Variants in ERC1 observed in about 807,000 individuals in gnomAD.
ERC1 encodes RAB6 interacting protein 2.
Under a neutral mutation model 132.0 loss-of-function variants are expected in ERC1, and 56 were observed. The observed-to-expected ratio is 0.42, with a 90% confidence interval of 0.34 to 0.53. ERC1 has a LOEUF of 0.53. Ranked by LOEUF, ERC1 falls within the 20% of genes least tolerant of loss-of-function variation. The probability of loss-of-function intolerance (pLI) is 0.03; values close to 1 mark genes in which losing one functional copy is unlikely to be tolerated. For missense variants in ERC1, 1,202 were observed against 1,349.9 expected, an observed-to-expected ratio of 0.89 and a Z score of 1.72; for synonymous variants, 478 against 476.1, an observed-to-expected ratio of 1.00 and a Z score of -0.05.
intron 18 of ERC1, among the ~76,000 whole-genome samples, chr12:1,475,055 C>T (rs2093943441): frequency 6.6e-6 from 1 of 152,208 alleles, no homozygotes; most frequent in African/African-American, 2.4e-5. Context: ...ATTTTAATAA[C>T]ATTCAACACA....
chr12:1,182,539 CA>C (rs746170473), intron 10 of ERC1, among the ~76,000 whole-genome samples: 4 of 152,174 alleles, frequency 2.6e-5, no homozygotes, highest in Non-Finnish European at 5.9e-5. Context: ...GCTATGTAAT[CA>C]GATGATGATA....
intron 1 of ERC1, chr12:991,556 A>C (rs930817036): frequency 6.6e-6 from 1 of 150,710 alleles, no homozygotes; most frequent in Non-Finnish European, 1.5e-5. Flanking sequence ...CCCCACCCAG[A>C]CCACCGGCGC....
At chr12:1,482,315 C>A (rs1250848882) in intron 18 of ERC1, among the ~76,000 whole-genome samples, 1 of 152,120 alleles carries the variant, frequency 6.6e-6, no homozygotes, top group Non-Finnish European at 1.5e-5. Flanking sequence ...TACCCACCCC[C>A]CCAACCCTGC....
chr12:1,146,561 T>C (rs1254739502), intron 8 of ERC1, among the ~76,000 whole-genome samples: 2 of 151,794 alleles, frequency 1.3e-5, no homozygotes, highest in African/African-American at 4.8e-5. Context: ...GATTTGGATG[T>C]CCGTGATTTC....
intron 12 of ERC1, among the ~76,000 whole-genome samples, chr12:1,201,016 G>A (rs577724830): frequency 5.3e-5 from 8 of 152,058 alleles, no homozygotes; most frequent in Non-Finnish European, 7.4e-5. Context: ...GTTTATATAT[G>A]CATACATATA....
intron 8 of ERC1, among the ~76,000 whole-genome samples, chr12:1,165,336 C>T (rs113700476): frequency 0.043 from 6,453 of 150,724 alleles, 443 homozygotes; most frequent in African/African-American, 0.15. Context: ...GATGGAGTCT[C>T]GCTCTGTTGC....
chr12:1,151,056 T>C (rs947173106), intron 8 of ERC1, among the ~76,000 whole-genome samples: 7 of 152,224 alleles, frequency 4.6e-5, no homozygotes, highest in African/African-American at 1.7e-4. Context: ...TGTATCACCT[T>C]CTCTGTACCA....
intron 18 of ERC1, among the ~76,000 whole-genome samples, chr12:1,466,358 C>T (rs1445448674): frequency 6.6e-6 from 1 of 152,098 alleles, no homozygotes; most frequent in Non-Finnish European, 1.5e-5. Flanking sequence ...TTGGAACCAC[C>T]CTGCCTGCCT....
intron 12 of ERC1, among the ~76,000 whole-genome samples, chr12:1,219,982 C>G (rs1958821737): frequency 6.6e-6 from 1 of 152,192 alleles, no homozygotes; most frequent in African/African-American, 2.4e-5. Context: ...GGCTCTGTAT[C>G]CTATGGCTTC....
At chr12:1,271,034 G>A (rs1410695227) in intron 14 of ERC1, among the ~76,000 whole-genome samples, 4 of 152,048 alleles carry the variant, frequency 2.6e-5, no homozygotes, top group Non-Finnish European at 5.9e-5. Flanking sequence ...TTAAAAAACA[G>A]TCTTTAATAC....
intron 1 of ERC1, among the ~76,000 whole-genome samples, chr12:1,007,993 G>A (rs1372957762): frequency 1.3e-5 from 2 of 152,106 alleles, no homozygotes; most frequent in East Asian, 3.9e-4. Flanking sequence ...GCAGTTTTTG[G>A]TTTCTACTTT....
intron 2 of ERC1, among the ~76,000 whole-genome samples, chr12:1,072,193 G>T (rs150276817): frequency 2.0e-5 from 3 of 152,166 alleles, no homozygotes; most frequent in Non-Finnish European, 4.4e-5. Flanking sequence ...AATATAACTT[G>T]GTGTGTGAAA....
intron 3 of ERC1, 107 bp from the exon 4 acceptor site, chr12:1,104,643 C>G (rs2154199437): frequency 6.5e-6 from 5 of 765,784 alleles, no homozygotes; most frequent in South Asian, 6.1e-5. Context: ...GGGTCATTGT[C>G]TCATAAGGCT....
At chr12:1,114,780 TTGAA>T (rs1946275154) in intron 6 of ERC1, among the ~76,000 whole-genome samples, 1 of 152,232 alleles carries the variant, frequency 6.6e-6, no homozygotes, top group Non-Finnish European at 1.5e-5. Flanking sequence ...GAAATATTTG[TTGAA>T]TGAATGAATA....
rs565899372 is a variant in ERC1 at position 1,303,746 on chromosome 12, G to A, written c.2780+13734G>A. Among the ~76,000 whole-genome samples, 4 of 152,060 alleles carry A rather than the reference G, an allele frequency of 2.6e-5. No homozygotes were observed. In the East Asian group the frequency reaches 7.7e-4, roughly 29 times the overall value. ...CAAGGCGGGGCATCACCTGAGGTCGGGAGTTTGAGACCAGCCTGACCAACA... is the reference window on the plus strand; with the variant it reads ...CAAGGCGGGGCATCACCTGAGGTCGAGAGTTTGAGACCAGCCTGACCAACA... On this transcript the variant is annotated intron_variant, in intron 15 of 18. Coordinates refer to ENST00000360905, the MANE Select transcript of ERC1 (RefSeq NM_178040.4).
At chr12:1,449,044 T>C (rs2154415116) in intron 18 of ERC1, among the ~76,000 whole-genome samples, 1 of 152,360 alleles carries the variant, frequency 6.6e-6, no homozygotes, top group South Asian at 2.1e-4. Context: ...ATTCTGGAAC[T>C]TTAAGGTTTA....
chr12:1,363,425 C>T (rs2154371465), intron 15 of ERC1, among the ~76,000 whole-genome samples: 1 of 152,208 alleles, frequency 6.6e-6, no homozygotes, highest in Admixed American at 6.5e-5. Flanking sequence ...CTATAATCAC[C>T]AGCAGTTTCT....
chr12:1,276,222 T>A (rs1402842438), intron 14 of ERC1, among the ~76,000 whole-genome samples: 2 of 138,054 alleles, frequency 1.4e-5, no homozygotes, highest in African/African-American at 5.1e-5. Flanking sequence ...CTCATGTTTT[T>A]GTTTTTCTTT....
At chr12:1,106,108 T>C (rs1945232499) in intron 4 of ERC1, among the ~76,000 whole-genome samples, 1 of 152,244 alleles carries the variant, frequency 6.6e-6, no homozygotes, top group Admixed American at 6.5e-5. Context: ...CTTAACCAAC[T>C]GTAAGATATG....
Sources: gnomAD v4.1 joint callset for allele counts (sites outside exome capture counted in the v4.1 genomes callset) on GRCh38, gnomAD v4.1.1 for gene constraint, MANE v1.5 for transcripts, NCBI Gene and HGNC (gene_info 2026-07-23, HGNC 2026-07-21) for gene names.